The following MITF variants were observed in gnomAD, a reference collection of about 807,000 sequenced individuals.
MITF encodes melanocyte inducing transcription factor, also known as microphthalmia-associated transcription factor.
In MITF, 17 loss-of-function variants were observed where a neutral mutation model predicts 60.5. The observed-to-expected ratio is 0.28, with a 90% CI of 0.19 to 0.42. The LOEUF (loss-of-function observed/expected upper bound fraction) is 0.42, where lower values mean the gene tolerates loss of function less well. Among genes scored for constraint, MITF ranks in the 10% least tolerant of loss-of-function variants. The pLI is 1.00. For synonymous variants in MITF, 260 were observed against 248.5 expected (o/e 1.05, Z -0.43); for missense variants, 622 against 683.5 (o/e 0.91, Z 1.00).
At chr3:69,793,422 T>C (rs532620259) in intron 1 of MITF, among the ~76,000 whole-genome samples, 1 of 121,688 alleles carries the variant, frequency 8.2e-6, no homozygotes, top group Admixed American at 8.7e-5. Flanking sequence ...TTTTAGGTCA[T>C]ATAGCTCTTT....
chr3:69,830,882 C>G (rs892460916), intron 1 of MITF, among the ~76,000 whole-genome samples: 20 of 152,118 alleles, frequency 1.3e-4, no homozygotes, highest in Non-Finnish European at 2.4e-4. Context: ...CCTGTATTTT[C>G]TTTTCAGATT....
intron 8 of MITF, 129 bp from the exon 9 acceptor site, chr3:69,959,144 G>A (rs2066475964): frequency 8.9e-7 from 1 of 1,117,970 alleles, no homozygotes; most frequent in Non-Finnish European, 1.3e-6. Context: ...AGCACCACCT[G>A]TTCCCCCAAA....
intron 2 of MITF, among the ~76,000 whole-genome samples, chr3:69,894,625 G>T (rs1403525736): frequency 6.6e-6 from 1 of 150,966 alleles, no homozygotes; most frequent in Non-Finnish European, 1.5e-5. Flanking sequence ...GGCAGAGGTT[G>T]CAGTGAGCCA....
intron 1 of MITF, among the ~76,000 whole-genome samples, chr3:69,744,417 G>A (rs1703645278): frequency 6.6e-6 from 1 of 152,062 alleles, no homozygotes; most frequent in South Asian, 2.1e-4. Flanking sequence ...TGCCATCGAT[G>A]TCTGTCCCTA....
chr3:69,791,852 T>C (rs1474627128), intron 1 of MITF, among the ~76,000 whole-genome samples: 8 of 152,204 alleles, frequency 5.3e-5, no homozygotes, highest in Non-Finnish European at 1.0e-4. Context: ...GTCTATTTCA[T>C]TGGTGCAGTA....
intron 2 of MITF, among the ~76,000 whole-genome samples, chr3:69,882,752 C>G (rs1404004039): frequency 6.6e-6 from 1 of 152,122 alleles, no homozygotes; most frequent in Non-Finnish European, 1.5e-5. Flanking sequence ...TACAAACCAC[C>G]AAGTTAATCA....
At chr3:69,854,876 C>G (rs1437283437) in intron 1 of MITF, among the ~76,000 whole-genome samples, 1 of 152,188 alleles carries the variant, frequency 6.6e-6, no homozygotes, top group Non-Finnish European at 1.5e-5. Context: ...GATTACTCCT[C>G]TAAAGTATTA....
chr3:69,764,569 A>T (rs2062261003), intron 1 of MITF, among the ~76,000 whole-genome samples: 1 of 152,054 alleles, frequency 6.6e-6, no homozygotes, highest in South Asian at 2.1e-4. Flanking sequence ...AGCGCTTAGG[A>T]TGCTTTTCTG....
intron 2 of MITF, among the ~76,000 whole-genome samples, chr3:69,917,618 G>T (rs1437462177): frequency 6.6e-6 from 1 of 151,992 alleles, no homozygotes; most frequent in Non-Finnish European, 1.5e-5. Context: ...CTAGCAAAGG[G>T]CTATTTGTAG....
intron 1 of MITF, among the ~76,000 whole-genome samples, chr3:69,744,728 C>T (rs1344141338): frequency 2.6e-5 from 4 of 152,182 alleles, no homozygotes; most frequent in South Asian, 2.1e-4. Flanking sequence ...AGTGTTGTTA[C>T]GCAACACAGT....
At chr3:69,898,016 A>G (rs1369013143) in intron 2 of MITF, among the ~76,000 whole-genome samples, 1 of 152,228 alleles carries the variant, frequency 6.6e-6, no homozygotes. Context: ...AGTGAAAAAC[A>G]GATTTTCATG....
At chr3:69,922,212 A>G (rs2065482315) in intron 2 of MITF, among the ~76,000 whole-genome samples, 2 of 152,068 alleles carry the variant, frequency 1.3e-5, no homozygotes, top group Admixed American at 1.3e-4. Context: ...TAGAGATTTG[A>G]GGATTGACTA....
chr3:69,819,094 G>C (rs896636306), intron 1 of MITF, among the ~76,000 whole-genome samples: 2 of 152,150 alleles, frequency 1.3e-5, no homozygotes, highest in Non-Finnish European at 2.9e-5. Flanking sequence ...TATAGTTGTT[G>C]AGTTGAAGGT....
At chr3:69,938,596 A>G in intron 3 of MITF, 1 of 1,366,358 alleles carries the variant, frequency 7.3e-7, no homozygotes, top group African/African-American at 1.5e-5. Flanking sequence ...ATTCTGTTTC[A>G]TAATAAAATT....
At chr3:69,952,924 C>A (rs1438406599) in intron 7 of MITF, among the ~76,000 whole-genome samples, 2 of 152,136 alleles carry the variant, frequency 1.3e-5, no homozygotes, top group Non-Finnish European at 2.9e-5. Flanking sequence ...TATTTAGTAA[C>A]TTCCCAACTG....
intron 1 of MITF, among the ~76,000 whole-genome samples, chr3:69,833,685 CTCTGTTTACACTGTATGTGGT>C (rs1481254405): frequency 2.3e-5 from 1 of 42,556 alleles, no homozygotes; most frequent in Non-Finnish European, 1.0e-4. Flanking sequence ...GTATGTGGTT[CTCTGTTTACACTGTATGTGGT>C]TCTCTGTTTA....
At chr3:69,866,621 T>G (rs941584099) in intron 1 of MITF, among the ~76,000 whole-genome samples, 1 of 152,144 alleles carries the variant, frequency 6.6e-6, no homozygotes, top group African/African-American at 2.4e-5. Flanking sequence ...AATACTGGTC[T>G]TAAGTTAATA....
intron 1 of MITF, among the ~76,000 whole-genome samples, chr3:69,815,864 T>G (rs1234328689): frequency 6.6e-6 from 1 of 152,226 alleles, no homozygotes. Flanking sequence ...GATCATTTCC[T>G]TGGGATCAGC....
At chr3:69,929,745 G>C (rs2065676125) in intron 2 of MITF, among the ~76,000 whole-genome samples, 1 of 152,070 alleles carries the variant, frequency 6.6e-6, no homozygotes, top group Non-Finnish European at 1.5e-5. Context: ...TACACCGTCA[G>C]AGTGCCAAGA....
Sources: gnomAD v4.1 joint callset for allele counts (sites outside exome capture counted in the v4.1 genomes callset) on GRCh38, gnomAD v4.1.1 for gene constraint, MANE v1.5 for transcripts, NCBI Gene and HGNC (gene_info 2026-07-23, HGNC 2026-07-21) for gene names.